Variants in AGRN observed in about 807,000 individuals in gnomAD.
The protein encoded by AGRN is agrin.
Under a neutral mutation model 211.0 loss-of-function variants are expected in AGRN, and 106 were observed. The observed-to-expected ratio is 0.50, with a 90% CI of 0.43 to 0.59. The LOEUF is 0.59. Among genes scored for constraint, AGRN ranks in the 20% least tolerant of loss-of-function variants. The pLI is 0.00. For synonymous variants in AGRN, 1,525 were observed against 1,332.5 expected, an observed-to-expected ratio of 1.14 and a Z score of -3.15; for missense variants, 3,040 against 2,982.6, an observed-to-expected ratio of 1.02 and a Z score of -0.45.
intron 25 of AGRN, 38 bp from the exon 26 acceptor site, chr1:1,049,528 G>T (rs1429825591): frequency 6.3e-7 from 1 of 1,591,002 alleles, no homozygotes; most frequent in Non-Finnish European, 8.5e-7. Flanking sequence ...TTTGCCTGTG[G>T]CCCCTGAGCC....
intron 2 of AGRN, among the ~76,000 whole-genome samples, chr1:1,025,780 C>T (rs1157852553): frequency 6.6e-6 from 1 of 152,014 alleles, no homozygotes; most frequent in Non-Finnish European, 1.5e-5. Context: ...TCTGTGTCTC[C>T]CCACCCAGGG....
intron 33 of AGRN, chr1:1,052,312 C>G (rs763400186): frequency 2.8e-6 from 1 of 351,532 alleles, no homozygotes; most frequent in Non-Finnish European, 5.6e-6. Flanking sequence ...GAACATGCAG[C>G]TGTGTCTGTG....
intron 2 of AGRN, chr1:1,034,959 A>C (rs906417135): frequency 3.2e-5 from 15 of 471,608 alleles, no homozygotes; most frequent in Non-Finnish European, 5.0e-5. Context: ...GAGAGCCGGC[A>C]GTTGGGGGTA....
intron 2 of AGRN, among the ~76,000 whole-genome samples, chr1:1,027,737 CTCTG>C (rs1644550585): frequency 6.6e-6 from 1 of 152,160 alleles, no homozygotes; most frequent in Non-Finnish European, 1.5e-5. Context: ...CCAGATGGGA[CTCTG>C]TCTGGGGGCA....
In AGRN at chr1:1,045,297, C is replaced by T. The variant is rs757388828; in HGVS notation, c.2371+20C>T. The T allele has an allele frequency of 1.9e-6, 3 of 1,612,048 alleles. No homozygotes were observed. The highest frequency in any genetic ancestry group is 2.5e-6 in the Non-Finnish European group (3 of 1,179,672). On this transcript the variant is annotated intron_variant, in intron 13 of 35. Coordinates refer to ENST00000379370, the MANE Select transcript of AGRN (RefSeq NM_198576.4). Reference sequence around the variant, plus strand: ...GCCCCAGTGAGTACCTGAGCTCAGCCCCGACCCCGGGCCTGGTGCGGCTGT... The same window carrying T: ...GCCCCAGTGAGTACCTGAGCTCAGCTCCGACCCCGGGCCTGGTGCGGCTGT...
rs369788908 is a variant in AGRN, at chr1:1,041,709, G to A, written c.1177+7G>A. ...GGCCAGTGCCAGGGTCGAGGTGAGC[G>A]GCTCCCCCGGGGGAGGGCTCCGGCC... On this transcript the variant is annotated splice_region_variant and intron_variant, in intron 6 of 35. Coordinates refer to ENST00000379370, the MANE Select transcript of AGRN (RefSeq NM_198576.4). 1.3e-5 allele frequency: 21 copies of A among 1,603,740 alleles called. No individual in the cohort carries two copies. The highest frequency in any genetic ancestry group is 1.6e-5 in the Non-Finnish European group (19 of 1,176,948).
chr1:1,050,621 C>G (rs760139389), intron 29 of AGRN, 30 bp downstream of exon 29: 16 of 1,605,130 alleles, frequency 1.0e-5, no homozygotes, highest in Non-Finnish European at 2.6e-6. Flanking sequence ...TCTGGGAGGC[C>G]TGGGGCACTG....
At position 1,050,324 on chromosome 1, in the gene AGRN, C is replaced by T; in HGVS notation, c.4971C>T (p.Asp1657=). The change falls in exon 28 of 36, where the codon GAC becomes GAT. Residue 1657 remains aspartate, a synonymous_variant. Coordinates refer to ENST00000379370, the MANE Select transcript of AGRN (RefSeq NM_198576.4). ...GAGGCCTGCACACCTTTGCACGGGACCTGGGGTCGGTGGGGCAGGAGCAGG... is the reference window on the plus strand; with the variant it reads ...GAGGCCTGCACACCTTTGCACGGGATCTGGGGTCGGTGGGGCAGGAGCAGG... ...ELRGLHTFAR[D]LGEKMALEVV... is the part of the protein sequence containing the mutation. 1 of 1,612,860 alleles carries T rather than the reference C, an allele frequency of 6.2e-7. No homozygotes were observed. The highest frequency in any genetic ancestry group is 8.5e-7 in the Non-Finnish European group (1 of 1,179,906).
At chr1:1,051,893 G>C (rs1570251383) in intron 33 of AGRN, 78 bp downstream of exon 33, 1 of 1,580,374 alleles carries the variant, frequency 6.3e-7, no homozygotes, top group Non-Finnish European at 8.6e-7. Context: ...CACCAGGAGG[G>C]CCCAGGAGGG....
In AGRN at chr1:1,049,121, AG is replaced by A. The variant is rs1237715488; in HGVS notation, c.4298+69del. On this transcript the variant is annotated intron_variant, in intron 24 of 35. Coordinates refer to ENST00000379370, the MANE Select transcript of AGRN (RefSeq NM_198576.4). Reference sequence around the variant, plus strand: ...TGGGCGGGGAGGGGACGGGCGGGGGAGGGGGGGCCGGGGCAGCTCAGGTGGG... The same window carrying A: ...TGGGCGGGGAGGGGACGGGCGGGGGAGGGGGGCCGGGGCAGCTCAGGTGGG... 3.2e-4 allele frequency: 83 copies of A among 259,212 alleles called. 1 individual carries two copies. Among genetic ancestry groups the A allele is most frequent in the Middle Eastern group, 8.5e-4 (1 of 1,180 alleles). The allele number at this position is 259,212 out of a possible 1,614,324, so 16.1% of individuals were successfully genotyped here. A position where few individuals can be genotyped will look rare whatever the true frequency, so the allele number is the denominator to read the frequency against.
chr1:1,035,153 TC>T lies in AGRN; in HGVS notation c.464-121del. The T allele has an allele frequency of 7.5e-6, 8 of 1,061,998 alleles. No individual in the cohort carries two copies. The South Asian group carries it at 1.0e-4, about 14-fold the overall frequency. 65.8% of individuals were successfully genotyped at this position (1,061,998 alleles called of 1,614,324 possible). A position where few individuals can be genotyped will look rare whatever the true frequency, so the allele number is the denominator to read the frequency against. On this transcript the variant is annotated intron_variant, in intron 2 of 35. Coordinates refer to ENST00000379370, the MANE Select transcript of AGRN (RefSeq NM_198576.4). ...GGGCTGGACCCTTCAGCAGCCTGGA[TC>T]CCTGGGGCTAGCGGTGGGGGGGGGG...
At position 1,050,042 on chromosome 1, in the gene AGRN, G is replaced by T; in HGVS notation, c.4879+5G>T. Reference sequence around the variant, plus strand: ...AGGGCACCTTCTGCCAGACAGGTCGGGGGCGTGGGGCTCTCGGGGCAGGGG... The same window carrying T: ...AGGGCACCTTCTGCCAGACAGGTCGTGGGCGTGGGGCTCTCGGGGCAGGGG... On this transcript the variant is annotated splice_donor_5th_base_variant and intron_variant, in intron 27 of 35. Transcript: ENST00000379370. 1 of 1,562,348 alleles carries T rather than the reference G, an allele frequency of 6.4e-7. No individual in the cohort carries two copies. The highest frequency in any genetic ancestry group is 2.4e-5 in the East Asian group (1 of 42,216).
chr1:1,049,840 G>A (rs1161339351), intron 26 of AGRN, 45 bp downstream of exon 26: 5 of 1,610,910 alleles, frequency 3.1e-6, no homozygotes, highest in African/African-American at 1.3e-5. Flanking sequence ...CCCGGGGCCT[G>A]TGGGCGGTAC....
In AGRN at chr1:1,043,918, T is replaced by A. The variant is rs1645018145; in HGVS notation, c.1894T>A (p.Cys632Ser). The A allele has an allele frequency of 6.2e-7, 1 of 1,610,196 alleles. No individual in the cohort carries two copies. Among genetic ancestry groups the A allele is most frequent in the African/African-American group, 1.3e-5 (1 of 75,006 alleles). The change falls in exon 10 of 36, where the codon TGT becomes AGT. Residue 632 changes from cysteine (C) to serine (S), a missense_variant. Cys to Ser is a moderately radical substitution (Grantham distance 112). Transcript: ENST00000379370. ...RCEHPPPGPV[C>S]GSDGVTYGSA... Reference sequence around the variant, plus strand: ...TGAGCACCCCCCGCCCGGCCCCGTGTGTGGCAGCGACGGTGTCACCTACGG... The same window carrying A: ...TGAGCACCCCCCGCCCGGCCCCGTGAGTGGCAGCGACGGTGTCACCTACGG...
At position 1,049,465 on chromosome 1, in the gene AGRN, A is replaced by C; in HGVS notation, c.4514+14A>C. The stretch of plus-strand genomic sequence containing the variant: ...CCAGGCTGCCGTGTGAGTCCCTTGG[A>C]GGGTGGTGTGGCCCCGACCCCGGCC... On this transcript the variant is annotated intron_variant, in intron 25 of 35. Transcript: ENST00000379370. 1.2e-6 allele frequency: 2 copies of C among 1,600,112 alleles called. No individual in the cohort carries two copies. Among genetic ancestry groups the C allele is most frequent in the Non-Finnish European group, 1.7e-6 (2 of 1,179,530 alleles).
At chr1:1,036,791 G>A (rs1396557004) in intron 3 of AGRN, among the ~76,000 whole-genome samples, 1 of 152,192 alleles carries the variant, frequency 6.6e-6, no homozygotes, top group Admixed American at 6.5e-5. Flanking sequence ...ACTGTGGGGA[G>A]AGGAGACCGG....
chr1:1,045,612 C>G, intron 14 of AGRN, 89 bp downstream of exon 14: 1 of 1,605,590 alleles, frequency 6.2e-7, no homozygotes, highest in Non-Finnish European at 8.5e-7. Context: ...TGCCCAGGCC[C>G]TGGCCTGACC....
At chr1:1,043,167 C>G in intron 7 of AGRN, 72 bp from the exon 8 acceptor site, 1 of 1,495,620 alleles carries the variant, frequency 6.7e-7, no homozygotes, top group African/African-American at 1.4e-5. Flanking sequence ...GGGACTGCTG[C>G]GTGGGGCTGG....
intron 35 of AGRN, 107 bp downstream of exon 35, chr1:1,054,658 C>G: frequency 6.7e-7 from 1 of 1,488,666 alleles, no homozygotes; most frequent in Non-Finnish European, 9.1e-7. Context: ...GCATGTGAGC[C>G]GGCGGGCTGG....
Sources: allele counts gnomAD v4.1 joint callset (sites outside exome capture counted in the v4.1 genomes callset), GRCh38; gene constraint gnomAD v4.1.1; transcripts MANE v1.5; gene names NCBI Gene and HGNC (gene_info 2026-07-23, HGNC 2026-07-21).